C2orf74: variants seen among roughly 807,000 people sequenced by gnomAD.
C2orf74 encodes uncharacterized protein C2orf74.
A neutral mutation model predicts 17.9 loss-of-function variants in C2orf74; 14 were observed. The ratio of observed to expected loss-of-function variants is 0.78; its 90% CI spans 0.52 to 1.22. The LOEUF (loss-of-function observed/expected upper bound fraction) is 1.22. Among genes scored for constraint, C2orf74 ranks in the 50% most tolerant of loss-of-function variants. The pLI, the probability that C2orf74 is intolerant of heterozygous loss-of-function variation, is 0.00. For synonymous variants in C2orf74, 79 were observed against 72.6 expected (o/e 1.09, Z -0.44); for missense variants, 217 against 218.4 (o/e 0.99, Z 0.04).
rs1685606614 is a variant in C2orf74 at position 61,162,859 on chromosome 2, G to T, written c.113G>T (p.Gly38Val). The T allele has an allele frequency of 6.4e-7, 1 of 1,552,182 alleles. No individual in the cohort carries two copies. Among genetic ancestry groups the T allele is most frequent in the South Asian group, 1.2e-5 (1 of 84,058 alleles). ...GTTTTCAGTTTCCAAGGCAGGAAAG[G>T]TAAAGAGACAAAGAAAGTGCCTTGT... ...FLYKCFQGRKGKETKKVPCTD... is the reference protein window; with the variant it reads ...FLYKCFQGRKVKETKKVPCTD... Residue 38 changes from glycine (G) to valine (V), a missense_variant, in exon 3 of 5, where the codon GGT (glycine) becomes GTT (valine). Coordinates refer to ENST00000432605, the MANE Select transcript of C2orf74 (RefSeq NM_001143959.4).
intron 1 of C2orf74, chr2:61,151,564 A>G (rs1685229270): frequency 6.6e-6 from 1 of 151,728 alleles, no homozygotes; most frequent in Non-Finnish European, 1.5e-5. Flanking sequence ...ATCCATTTCC[A>G]AGCTTCTTCA....
At chr2:61,146,864 CTG>C (rs1685086162) in intron 1 of C2orf74, among the ~76,000 whole-genome samples, 2 of 149,956 alleles carry the variant, frequency 1.3e-5, no homozygotes, top group African/African-American at 4.9e-5. Context: ...AACAAAAAAA[CTG>C]GAGGCTGGGT....
chr2:61,147,072 G>T (rs1439686954), intron 1 of C2orf74, among the ~76,000 whole-genome samples: 1 of 152,034 alleles, frequency 6.6e-6, no homozygotes, highest in East Asian at 1.9e-4. Flanking sequence ...GGGAGGCTGA[G>T]GTGGGGGGAT....
In C2orf74 at chr2:61,162,231, AGG is replaced by A. The variant is rs1685583265; in HGVS notation, c.-188_-187del. On this transcript the variant is annotated 5_prime_UTR_variant, in exon 1 of 5. In the 5' UTR this introduces an upstream ATG that the reference lacks. Transcript: ENST00000432605. ...GTCCTGATAGTTTTTGGGGTGAGGG[AGG>A]TGAGCTGCGTGATCACACATGTCCC... The A allele has an allele frequency of 2.4e-6, 1 of 423,856 alleles. No homozygotes were observed. Among genetic ancestry groups the A allele is most frequent in the Non-Finnish European group, 4.2e-6 (1 of 239,564 alleles). 26.3% of individuals were successfully genotyped at this position (423,856 alleles called of 1,614,324 possible).
intron 4 of C2orf74, among the ~76,000 whole-genome samples, chr2:61,163,468 G>A (rs1244192251): frequency 6.6e-6 from 1 of 151,934 alleles, no homozygotes; most frequent in South Asian, 2.1e-4. Context: ...GCTGGGCGTG[G>A]TGGCACCCGC....
chr2:61,164,449 G>A lies in C2orf74; in HGVS notation c.486G>A (p.Arg162=). The change falls in exon 5 of 5, where the codon AGG becomes AGA. Residue 162 remains arginine (R), a synonymous_variant. Transcript: ENST00000432605. ...KRPLKGVTFS[R]EVIVVDLGNE... ...CTTTAAAAGGAGTGACATTTTCTAG[G>A]GAGGTAATTGTTGTGGATCTTGGGA... is the stretch of plus-strand genomic sequence containing the variant. The A allele has an allele frequency of 6.4e-7, 1 of 1,551,190 alleles. No individual in the cohort carries two copies. Among genetic ancestry groups the A allele is most frequent in the Non-Finnish European group, 8.7e-7 (1 of 1,146,792 alleles).
chr2:61,158,644 C>A (rs934316295), upstream of C2orf74, among the ~76,000 whole-genome samples: 3 of 152,026 alleles, frequency 2.0e-5, no homozygotes, highest in Admixed American at 2.0e-4. Flanking sequence ...ATCTGTCTCC[C>A]CAGTTGATTA....
intron 1 of C2orf74, among the ~76,000 whole-genome samples, chr2:61,149,917 T>C (rs1354565115): frequency 6.6e-6 from 1 of 152,022 alleles, no homozygotes; most frequent in Non-Finnish European, 1.5e-5. Flanking sequence ...AAAAGAGGCA[T>C]CTCAAAGGTA....
At chr2:61,152,269 C>CGGT (rs2103616624) in intron 1 of C2orf74, 1 of 152,528 alleles carries the variant, frequency 6.6e-6, no homozygotes, top group South Asian at 2.1e-4. Context: ...ATGTCGGGCG[C>CGGT]GGTGGTTCAT....
At chr2:61,153,974 C>T (rs1400534420) in intron 1 of C2orf74, among the ~76,000 whole-genome samples, 3 of 152,040 alleles carry the variant, frequency 2.0e-5, no homozygotes, top group Admixed American at 6.6e-5. Flanking sequence ...CGCGATGGCT[C>T]ACGCCTGTAA....
intron 1 of C2orf74, among the ~76,000 whole-genome samples, chr2:61,156,700 A>G (rs905805863): frequency 3.2e-4 from 49 of 152,286 alleles, no homozygotes; most frequent in South Asian, 6.2e-4. Context: ...CATGGGCAAC[A>G]TGGTGAGACC....
In C2orf74 at chr2:61,163,249, C is replaced by G. The variant is rs780536495; in HGVS notation, c.390+17C>G. ...CAAGAAGAGGTGATGTGTTTTTCTACTCTCAAAGAGCAGTTTAGAATTTGT... is the reference window on the plus strand; with the variant it reads ...CAAGAAGAGGTGATGTGTTTTTCTAGTCTCAAAGAGCAGTTTAGAATTTGT... On this transcript the variant is annotated intron_variant, in intron 4 of 4. Transcript: ENST00000432605. 6.5e-7 allele frequency: 1 copy of G among 1,546,976 alleles called. No homozygotes were observed.
At chr2:61,152,264 G>T (rs1018868835) in intron 1 of C2orf74, 1 of 152,366 alleles carries the variant, frequency 6.6e-6, no homozygotes, top group Non-Finnish European at 1.5e-5. Context: ...CAAGCATGTC[G>T]GGCGCGGTGG....
At chr2:61,154,866 C>A (rs1275943872) in intron 1 of C2orf74, among the ~76,000 whole-genome samples, 1 of 151,640 alleles carries the variant, frequency 6.6e-6, no homozygotes, top group Non-Finnish European at 1.5e-5. Flanking sequence ...ACCAGTCTGA[C>A]CAACATGGTG....
upstream of C2orf74, chr2:61,157,747 G>T: frequency 2.4e-6 from 1 of 409,630 alleles, no homozygotes; most frequent in Non-Finnish European, 5.1e-6. Context: ...ATCCTGATCA[G>T]CCAGGCCTGA....
chr2:61,158,021 T>G (rs1200846939), upstream of C2orf74: 2 of 471,026 alleles, frequency 4.2e-6, no homozygotes, highest in Non-Finnish European at 8.8e-6. Context: ...AGGTAGGCAG[T>G]AGGGCAGGAC....
chr2:61,155,406 A>G (rs1003694570), intron 1 of C2orf74, among the ~76,000 whole-genome samples: 4 of 152,138 alleles, frequency 2.6e-5, no homozygotes, highest in Non-Finnish European at 5.9e-5. Context: ...CATCCCCCCA[A>G]AAAGCCAGAA....
At chr2:61,162,706 G>T in intron 2 of C2orf74, 97 bp downstream of exon 2, 1 of 1,065,148 alleles carries the variant, frequency 9.4e-7, no homozygotes, top group Non-Finnish European at 1.4e-6. Flanking sequence ...AACAAGTAAT[G>T]ATACCATAAT....
chr2:61,164,522 A>ATTT lies in C2orf74; in HGVS notation c.559_560insTTT (p.Lys187delinsIleTer), dbSNP rs1685672501. The ATTT allele has an allele frequency of 6.6e-7, 1 of 1,517,748 alleles. No homozygotes were observed. The highest frequency in any genetic ancestry group is 1.4e-5 in the African/African-American group (1 of 71,538). 94.0% of individuals were successfully genotyped at this position (1,517,748 alleles called of 1,614,324 possible). ...CTATACTCGAGAACATAAAGAGAGG[A>ATTT]AATGAAGCTCAAAAAAGGGTAAGAG... On this transcript the variant is annotated stop_gained and protein_altering_variant, in exon 5 of 5. Coordinates refer to ENST00000432605, the MANE Select transcript of C2orf74 (RefSeq NM_001143959.4). LOFTEE classifies it high-confidence loss of function.
Sources: gnomAD v4.1 joint callset for allele counts (sites outside exome capture counted in the v4.1 genomes callset) on GRCh38, gnomAD v4.1.1 for gene constraint, MANE v1.5 for transcripts, NCBI Gene and HGNC (gene_info 2026-07-23, HGNC 2026-07-21) for gene names.